TSC22D4: variants seen among roughly 807,000 people sequenced by gnomAD.
TSC22D4 encodes TSC22 domain family protein 4.
In TSC22D4, 5 loss-of-function variants were observed where a neutral mutation model predicts 24.9. The ratio of observed to expected loss-of-function variants is 0.20; its 90% CI spans 0.10 to 0.42. TSC22D4 has a LOEUF of 0.42. Ranked by LOEUF, TSC22D4 falls within the 10% of genes least tolerant of loss-of-function variation. The pLI, the probability that TSC22D4 is intolerant of heterozygous loss-of-function variation, is 1.00. For missense variants in TSC22D4, 469 were observed against 547.9 expected, an observed-to-expected ratio of 0.86 and a Z score of 1.44; for synonymous variants, 245 against 243.2, an observed-to-expected ratio of 1.01 and a Z score of -0.07.
At position 100,467,779 on chromosome 7, in the gene TSC22D4, C is replaced by T. The variant is rs553761500; in HGVS notation, c.930-179G>A. 3.6e-5 allele frequency: 26 copies of T among 718,838 alleles called. 1 individual carries two copies. Among genetic ancestry groups the T allele is most frequent in the South Asian group, 1.2e-4 (8 of 65,516 alleles). The allele number at this position is 718,838 out of a possible 1,614,324, so 44.5% of individuals were successfully genotyped here. A position where few individuals can be genotyped will look rare whatever the true frequency, so the allele number is the denominator to read the frequency against. ...CCGCTGCCCAGGGCCTCCCAGGCCC[C>T]GGTGGGGCGGGGGCCCAGATGTCCC... On this transcript the variant is annotated intron_variant, in intron 3 of 4. Coordinates refer to ENST00000300181, the MANE Select transcript of TSC22D4 (RefSeq NM_030935.5).
chr7:100,468,335 G>A (rs1012329537), intron 3 of TSC22D4, among the ~76,000 whole-genome samples: 8 of 152,294 alleles, frequency 5.3e-5, no homozygotes, highest in Non-Finnish European at 1.0e-4. Flanking sequence ...TGAGCGGGGA[G>A]TGAAGGGTGT....
chr7:100,468,040 C>A, intron 3 of TSC22D4: 1 of 437,236 alleles, frequency 2.3e-6, no homozygotes. Flanking sequence ...AGAGCAGGGT[C>A]TGGCTGGTGC....
Position 100,477,133 on chromosome 7 carries a change from G to T in TSC22D4, c.762+144C>A. The T allele has an allele frequency of 1.5e-6, 1 of 671,200 alleles. No individual in the cohort carries two copies. The highest frequency in any genetic ancestry group is 2.3e-6 in the Non-Finnish European group (1 of 434,190). The allele number at this position is 671,200 out of a possible 1,614,324, so 41.6% of individuals were successfully genotyped here. A position where few individuals can be genotyped will look rare whatever the true frequency, so the allele number is the denominator to read the frequency against. On this transcript the variant is annotated intron_variant, in intron 2 of 4. Coordinates refer to ENST00000300181, the MANE Select transcript of TSC22D4 (RefSeq NM_030935.5). This position sits in a 1 kb window ranked among gnomAD's most constrained non-coding sequence, Gnocchi z 7.8. ...AAGTAGGAGGAAGGGGCTTCAGAGT[G>T]ACCTGGCAGGCACAGAGAAGAGGGC... is the stretch of plus-strand genomic sequence containing the variant.
chr7:100,477,593 G>A lies in TSC22D4; in HGVS notation c.446C>T (p.Thr149Ile), dbSNP rs980085037. The A allele has an allele frequency of 2.3e-5, 36 of 1,594,660 alleles. No individual in the cohort carries two copies. The highest frequency in any genetic ancestry group is 2.9e-5 in the Non-Finnish European group (34 of 1,171,908). The change falls in exon 2 of 5, where the codon ACC (threonine) becomes ATC (isoleucine). Residue 149 changes from threonine (T) to isoleucine (I), a missense_variant. Transcript: ENST00000300181. The surrounding 1 kb of genome is among the most constrained non-coding windows in gnomAD (Gnocchi z 7.8). ...GGTGGGGGGTGGACGGAGCCAGGAGGTGGGGCCCTGAGACAGGCCTGACGG... is the reference window on the plus strand; with the variant it reads ...GGTGGGGGGTGGACGGAGCCAGGAGATGGGGCCCTGAGACAGGCCTGACGG... ...TPPSGLSQGPTSWLRPPPTSP... is the reference protein window; with the variant it reads ...TPPSGLSQGPISWLRPPPTSP...
Position 100,466,721 on chromosome 7 carries a change from T to G in TSC22D4, c.*238A>C. The stretch of plus-strand genomic sequence containing the variant: ...TGCTGGGGGGTCCCAGGAGGGAGGG[T>G]GGGGGTTGGTTCCCTCCCAGAGGGG... On this transcript the variant is annotated 3_prime_UTR_variant, in exon 5 of 5. Transcript: ENST00000300181. 1 of 527,670 alleles carries G rather than the reference T, an allele frequency of 1.9e-6. No homozygotes were observed. The highest frequency in any genetic ancestry group is 3.3e-6 in the Non-Finnish European group (1 of 299,868). 32.7% of individuals were successfully genotyped at this position (527,670 alleles called of 1,614,324 possible).
chr7:100,478,291 A>G lies in TSC22D4; in HGVS notation c.-253T>C. On this transcript the variant is annotated 5_prime_UTR_variant, in exon 2 of 5. Coordinates refer to ENST00000300181, the MANE Select transcript of TSC22D4 (RefSeq NM_030935.5). ...CCTGCTGCTGTTGCTGCTGAACTCC[A>G]GAGCTGAGTTTGCAAACTGGAAAAA... 2.0e-6 allele frequency: 1 copy of G among 500,102 alleles called. No homozygotes were observed. The highest frequency in any genetic ancestry group is 2.5e-5 in the South Asian group (1 of 40,514). 31.0% of individuals were successfully genotyped at this position (500,102 alleles called of 1,614,324 possible). A position where few individuals can be genotyped will look rare whatever the true frequency, so the allele number is the denominator to read the frequency against.
At chr7:100,472,560 C>T (rs1246058839) in intron 3 of TSC22D4, among the ~76,000 whole-genome samples, 1 of 152,080 alleles carries the variant, frequency 6.6e-6, no homozygotes, top group Non-Finnish European at 1.5e-5. Flanking sequence ...GCCGGGGAAC[C>T]TCCCAAGTGG....
Position 100,474,253 on chromosome 7 carries a change from C to A in TSC22D4, c.929+21G>T, listed in dbSNP as rs771959273. 1.2e-6 allele frequency: 2 copies of A among 1,610,992 alleles called. No homozygotes were observed. The highest frequency in any genetic ancestry group is 1.7e-6 in the Non-Finnish European group (2 of 1,177,610). Reference sequence around the variant, plus strand: ...GGGGAACCTGAACCCCACGCCCCACCACCCCACGAAGCCCACCTACCTATC... The same window carrying A: ...GGGGAACCTGAACCCCACGCCCCACAACCCCACGAAGCCCACCTACCTATC... On this transcript the variant is annotated intron_variant, in intron 3 of 4. Coordinates refer to ENST00000300181, the MANE Select transcript of TSC22D4 (RefSeq NM_030935.5). This position sits in a 1 kb window ranked among gnomAD's most constrained non-coding sequence, Gnocchi z 4.3.
chr7:100,472,744 C>T (rs933385023), intron 3 of TSC22D4, among the ~76,000 whole-genome samples: 41 of 151,124 alleles, frequency 2.7e-4, no homozygotes, highest in Admixed American at 7.2e-4. Flanking sequence ...CTCTTGCCCT[C>T]CGTCCCACCA....
At chr7:100,475,677 G>T (rs566394607) in intron 2 of TSC22D4, among the ~76,000 whole-genome samples, 7 of 152,104 alleles carry the variant, frequency 4.6e-5, no homozygotes, top group East Asian at 3.9e-4. Flanking sequence ...CTAGGGTTGG[G>T]GGGGGAGCTG....
At position 100,474,124 on chromosome 7, in the gene TSC22D4, G is replaced by A; in HGVS notation, c.929+150C>T. The A allele has an allele frequency of 2.0e-6, 2 of 979,556 alleles. No homozygotes were observed. Among genetic ancestry groups the A allele is most frequent in the Non-Finnish European group, 3.0e-6 (2 of 666,136 alleles). 60.7% of individuals were successfully genotyped at this position (979,556 alleles called of 1,614,324 possible). On this transcript the variant is annotated intron_variant, in intron 3 of 4. Transcript: ENST00000300181. The surrounding 1 kb of genome is among the most constrained non-coding windows in gnomAD (Gnocchi z 4.3). ...GTGGGTCCGAAATCAACTGTGTGCAGTGGCTATGCCCAGGCCAGGTTTCTC... is the reference window on the plus strand; with the variant it reads ...GTGGGTCCGAAATCAACTGTGTGCAATGGCTATGCCCAGGCCAGGTTTCTC...
At chr7:100,476,238 AG>A (rs1299091023) in intron 2 of TSC22D4, among the ~76,000 whole-genome samples, 1 of 11,404 alleles carries the variant, frequency 8.8e-5, no homozygotes, top group African/African-American at 3.7e-4. Context: ...GAGTTGGGGG[AG>A]GGGGGGTAGG....
rs929418415 is a variant in TSC22D4 at position 100,467,360 on chromosome 7, C to T, written c.978+192G>A. 13 of 844,264 alleles carry T rather than the reference C, an allele frequency of 1.5e-5. No individual in the cohort carries two copies. The African/African-American group carries it at 2.2e-4, about 14-fold the overall frequency. The allele number at this position is 844,264 out of a possible 1,614,324, so 52.3% of individuals were successfully genotyped here. A position where few individuals can be genotyped will look rare whatever the true frequency, so the allele number is the denominator to read the frequency against. On this transcript the variant is annotated intron_variant, in intron 4 of 4. Coordinates refer to ENST00000300181, the MANE Select transcript of TSC22D4 (RefSeq NM_030935.5). ...AAAGACAGAGATGGGGACCAGTAGC[C>T]AGACTAGAGGCTGGGCAAAGTCAAG...
chr7:100,475,225 C>T (rs573372849), intron 2 of TSC22D4, among the ~76,000 whole-genome samples: 6 of 152,260 alleles, frequency 3.9e-5, no homozygotes, highest in African/African-American at 7.2e-5. Flanking sequence ...CCGGGACTAC[C>T]GGCACCTGCC....
At position 100,467,541 on chromosome 7, in the gene TSC22D4, G is replaced by C; in HGVS notation, c.978+11C>G. 4 of 1,613,904 alleles carry C rather than the reference G, an allele frequency of 2.5e-6. No individual in the cohort carries two copies. Among genetic ancestry groups the C allele is most frequent in the Non-Finnish European group, 3.4e-6 (4 of 1,179,900 alleles). ...GCCAGGACCTCCTGGGACCAAGATG[G>C]CTTCTCTTACCATGGCTTGCTCGAT... On this transcript the variant is annotated intron_variant, in intron 4 of 4. Transcript: ENST00000300181.
chr7:100,477,964 T>G lies in TSC22D4; in HGVS notation c.75A>C (p.Pro25=). The G allele has an allele frequency of 1.9e-6, 3 of 1,570,136 alleles. No homozygotes were observed. Among genetic ancestry groups the G allele is most frequent in the Non-Finnish European group, 2.6e-6 (3 of 1,159,002 alleles). ...GTGGGGTAGGGGGATCCGAAGCCCC[T>G]GGGCTCCCAGGGCCCTCATAGTCCG... is the stretch of plus-strand genomic sequence containing the variant. ...VTTDYEGPGS[P]GASDPPTPQP... The change falls in exon 2 of 5, where the codon CCA becomes CCC. Residue 25 remains proline, a synonymous_variant. Coordinates refer to ENST00000300181, the MANE Select transcript of TSC22D4 (RefSeq NM_030935.5). This position sits in a 1 kb window ranked among gnomAD's most constrained non-coding sequence, Gnocchi z 7.8.
Position 100,474,928 on chromosome 7 carries a change from A to C in TSC22D4, c.763-488T>G, listed in dbSNP as rs556478224. Among the ~76,000 whole-genome samples the C allele has an allele frequency of 6.6e-6, 1 of 152,208 alleles. No individual in the cohort carries two copies. Among genetic ancestry groups the C allele is most frequent in the African/African-American group, 2.4e-5 (1 of 41,538 alleles). ...GCGATCCTCCAGCCTCAGCCACCCGAGTAGCTGGGACTACAGGCATGCACC... is the reference window on the plus strand; with the variant it reads ...GCGATCCTCCAGCCTCAGCCACCCGCGTAGCTGGGACTACAGGCATGCACC... On this transcript the variant is annotated intron_variant, in intron 2 of 4. Coordinates refer to ENST00000300181, the MANE Select transcript of TSC22D4 (RefSeq NM_030935.5). The surrounding 1 kb of genome is among the most constrained non-coding windows in gnomAD (Gnocchi z 4.3).
In TSC22D4 at chr7:100,474,934, T is replaced by C. The variant is rs747472348; in HGVS notation, c.763-494A>G. Among the ~76,000 whole-genome samples, 27 of 152,120 alleles carry C rather than the reference T, an allele frequency of 1.8e-4. No homozygotes were observed. Among genetic ancestry groups the C allele is most frequent in the Non-Finnish European group, 2.8e-4 (19 of 68,020 alleles). Reference sequence around the variant, plus strand: ...CTCCAGCCTCAGCCACCCGAGTAGCTGGGACTACAGGCATGCACCATCATA... The same window carrying C: ...CTCCAGCCTCAGCCACCCGAGTAGCCGGGACTACAGGCATGCACCATCATA... On this transcript the variant is annotated intron_variant, in intron 2 of 4. Coordinates refer to ENST00000300181, the MANE Select transcript of TSC22D4 (RefSeq NM_030935.5). The surrounding 1 kb of genome is among the most constrained non-coding windows in gnomAD (Gnocchi z 4.3).
rs760274686 is a variant in TSC22D4, at chr7:100,467,522, A to G, written c.978+30T>C. 11 of 1,612,652 alleles carry G rather than the reference A, an allele frequency of 6.8e-6. No individual in the cohort carries two copies. The South Asian group carries it at 9.9e-5, about 14-fold the overall frequency. ...AGAGGGATGGCTTAAGGGGGCCAGG[A>G]CCTCCTGGGACCAAGATGGCTTCTC... On this transcript the variant is annotated intron_variant, in intron 4 of 4. Coordinates refer to ENST00000300181, the MANE Select transcript of TSC22D4 (RefSeq NM_030935.5).
Sources: allele counts gnomAD v4.1 joint callset (sites outside exome capture counted in the v4.1 genomes callset), GRCh38; gene constraint gnomAD v4.1.1; non-coding constraint Gnocchi (gnomAD v3.1); transcripts MANE v1.5; gene names NCBI Gene and HGNC (gene_info 2026-07-23, HGNC 2026-07-21).